The following LTV1 variants were observed in gnomAD, a reference collection of about 807,000 sequenced individuals.
LTV1 encodes LTV1 ribosome biogenesis factor, also known as protein LTV1 homolog.
In LTV1, 39 loss-of-function variants were observed where a neutral mutation model predicts 59.9. That is an observed-to-expected ratio of 0.65 (90% CI 0.50 to 0.85). LTV1 has a LOEUF of 0.85. Among genes scored for constraint, LTV1 ranks in the 40% least tolerant of loss-of-function variants. The pLI is 0.00. For missense variants in LTV1, 493 were observed against 549.1 expected (o/e 0.90, Z 1.02); for synonymous variants, 171 against 189.5 (o/e 0.90, Z 0.80).
chr6:143,848,924 C>T (rs1274929195), intron 3 of LTV1, among the ~76,000 whole-genome samples: 1 of 152,138 alleles, frequency 6.6e-6, no homozygotes, highest in Non-Finnish European at 1.5e-5. Flanking sequence ...AAGTGTTTTG[C>T]ATTATTACAT....
rs1291985604 is a variant in LTV1 at position 143,862,618 on chromosome 6, C to T, written c.1064-226C>T. Among the ~76,000 whole-genome samples, 1 of 151,938 alleles carries T rather than the reference C, an allele frequency of 6.6e-6. No individual in the cohort carries two copies. Among genetic ancestry groups the T allele is most frequent in the Non-Finnish European group, 1.5e-5 (1 of 67,966 alleles). ...AACATATATCAACTTTGAAAAAATACATATATTTTAATAAGAGTTAGGCTT... is the reference window on the plus strand; with the variant it reads ...AACATATATCAACTTTGAAAAAATATATATATTTTAATAAGAGTTAGGCTT... On this transcript the variant is annotated intron_variant, in intron 8 of 10. Coordinates refer to ENST00000367576, the MANE Select transcript of LTV1 (RefSeq NM_032860.5). The surrounding 1 kb of genome is among the most constrained non-coding windows in gnomAD (Gnocchi z 4.2).
In LTV1 at chr6:143,862,731, A is replaced by G. The variant is rs1777187407; in HGVS notation, c.1064-113A>G. 1.4e-6 allele frequency: 1 copy of G among 701,784 alleles called. No homozygotes were observed. 43.5% of individuals were successfully genotyped at this position (701,784 alleles called of 1,614,324 possible). Reference sequence around the variant, plus strand: ...TTATAAAACATTGATCAGAGACTCCAGTGTTATTTTGCACTATGAAAACAC... The same window carrying G: ...TTATAAAACATTGATCAGAGACTCCGGTGTTATTTTGCACTATGAAAACAC... On this transcript the variant is annotated intron_variant, in intron 8 of 10. Coordinates refer to ENST00000367576, the MANE Select transcript of LTV1 (RefSeq NM_032860.5). This position sits in a 1 kb window ranked among gnomAD's most constrained non-coding sequence, Gnocchi z 4.2.
chr6:143,843,823 G>T (rs1220227225), intron 1 of LTV1, among the ~76,000 whole-genome samples: 2 of 152,208 alleles, frequency 1.3e-5, no homozygotes, highest in African/African-American at 4.8e-5. Context: ...AGAGGGAGCT[G>T]CTGGTCTCCC....
intron 6 of LTV1, 112 bp from the exon 7 acceptor site, chr6:143,860,314 T>A (rs1165662899): frequency 3.7e-6 from 3 of 814,718 alleles, no homozygotes; most frequent in Admixed American, 2.5e-5. Flanking sequence ...ATTGTGATAG[T>A]ACCTGAATAA....
chr6:143,851,758 G>A (rs915528093), intron 4 of LTV1, among the ~76,000 whole-genome samples: 2 of 151,830 alleles, frequency 1.3e-5, no homozygotes, highest in African/African-American at 4.8e-5. Flanking sequence ...AGTGTGTGAT[G>A]TTCCCCTCCC....
intron 4 of LTV1, among the ~76,000 whole-genome samples, chr6:143,856,127 C>T (rs540488182): frequency 3.5e-4 from 54 of 152,204 alleles, no homozygotes; most frequent in African/African-American, 1.2e-3. Context: ...AGGCTTTGTT[C>T]GTTCCTTTTC....
At chr6:143,850,635 T>C (rs1170017586) in intron 4 of LTV1, among the ~76,000 whole-genome samples, 1 of 152,224 alleles carries the variant, frequency 6.6e-6, no homozygotes, top group Admixed American at 6.5e-5. Flanking sequence ...TTGGGGGAAA[T>C]TTTTTATTTT....
Position 143,857,475 on chromosome 6 carries a change from A to G in LTV1, c.539+31A>G. 1 of 1,579,842 alleles carries G rather than the reference A, an allele frequency of 6.3e-7. No homozygotes were observed. The highest frequency in any genetic ancestry group is 8.7e-7 in the Non-Finnish European group (1 of 1,149,390). ...TGTGGTTTGTTTCAAAGCAGAGATG[A>G]TGACCTAAGTGTTACTGCTTCAGTG... On this transcript the variant is annotated intron_variant, in intron 5 of 10. Coordinates refer to ENST00000367576, the MANE Select transcript of LTV1 (RefSeq NM_032860.5). This position sits in a 1 kb window ranked among gnomAD's most constrained non-coding sequence, Gnocchi z 5.2.
chr6:143,857,122 C>T lies in LTV1; in HGVS notation c.398-181C>T, dbSNP rs952946066. 1.3e-5 allele frequency among the ~76,000 whole-genome samples: 2 copies of T among 152,148 alleles called. No individual in the cohort carries two copies. The highest frequency in any genetic ancestry group is 2.9e-5 in the Non-Finnish European group (2 of 68,020). On this transcript the variant is annotated intron_variant, in intron 4 of 10. Coordinates refer to ENST00000367576, the MANE Select transcript of LTV1 (RefSeq NM_032860.5). This position sits in a 1 kb window ranked among gnomAD's most constrained non-coding sequence, Gnocchi z 5.2. ...CTGGGGCTGAGGCAGCATTTTGTTT[C>T]CTTTTTTTGTCTTGGAGTGTTCATT...
In LTV1 at chr6:143,852,386, G is replaced by T. The variant is rs1489953408; in HGVS notation, c.397+2168G>T. Among the ~76,000 whole-genome samples the T allele has an allele frequency of 2.6e-5, 4 of 152,114 alleles. No homozygotes were observed. The East Asian group carries it at 7.7e-4, about 29-fold the overall frequency. ...AAATGTCTTCATTTGAGAAATATCTGTTCCTATCTTTTGCCCACTTTTCAA... is the reference window on the plus strand; with the variant it reads ...AAATGTCTTCATTTGAGAAATATCTTTTCCTATCTTTTGCCCACTTTTCAA... On this transcript the variant is annotated intron_variant, in intron 4 of 10. Coordinates refer to ENST00000367576, the MANE Select transcript of LTV1 (RefSeq NM_032860.5).
intron 4 of LTV1, among the ~76,000 whole-genome samples, chr6:143,856,655 C>A (rs182652502): frequency 6.6e-6 from 1 of 152,104 alleles, no homozygotes; most frequent in African/African-American, 2.4e-5. Flanking sequence ...TGATGCTATT[C>A]CTTTCTGTTA....
At chr6:143,858,195 G>T in intron 6 of LTV1, 188 bp downstream of exon 6, 2 of 622,616 alleles carry the variant, frequency 3.2e-6, no homozygotes, top group Non-Finnish European at 2.9e-6. Context: ...CAGTACAGGA[G>T]CACAAAGACT....
At chr6:143,848,060 A>G (rs150996765) in intron 3 of LTV1, among the ~76,000 whole-genome samples, 16 of 152,322 alleles carry the variant, frequency 1.1e-4, no homozygotes, top group African/African-American at 3.6e-4. Context: ...ACTGCAACCA[A>G]TGAAAACACA....
chr6:143,843,526 C>T (rs774977233), intron 1 of LTV1, 46 bp downstream of exon 1: 33 of 1,612,512 alleles, frequency 2.0e-5, no homozygotes, highest in East Asian at 4.5e-5. Flanking sequence ...TGTGGTTTTG[C>T]AGAGGCCAGG....
chr6:143,853,181 A>G (rs1777015396), intron 4 of LTV1, among the ~76,000 whole-genome samples: 1 of 152,170 alleles, frequency 6.6e-6, no homozygotes, highest in Non-Finnish European at 1.5e-5. Flanking sequence ...GAGGTCCTTC[A>G]CATCCCTTGT....
chr6:143,844,685 T>TA, intron 2 of LTV1, 68 bp downstream of exon 2: 1 of 1,255,408 alleles, frequency 8.0e-7, no homozygotes, highest in Non-Finnish European at 1.1e-6. Flanking sequence ...TTTTTTTTTT[T>TA]AAATAAATAG....
At position 143,862,082 on chromosome 6, in the gene LTV1, CTT is replaced by C; in HGVS notation, c.924-19_924-18del. 6.2e-7 allele frequency: 1 copy of C among 1,603,438 alleles called. No individual in the cohort carries two copies. Among genetic ancestry groups the C allele is most frequent in the Non-Finnish European group, 8.5e-7 (1 of 1,176,468 alleles). Reference sequence around the variant, plus strand: ...TCATTTTTCCCCCTCTTGGTCTTCACTTTTAAAAACTCGTCTAAAAGTTGTGT... The same window carrying C: ...TCATTTTTCCCCCTCTTGGTCTTCACTTAAAAACTCGTCTAAAAGTTGTGT... On this transcript the variant is annotated intron_variant, in intron 7 of 10. Transcript: ENST00000367576. This position sits in a 1 kb window ranked among gnomAD's most constrained non-coding sequence, Gnocchi z 4.2.
At chr6:143,845,099 T>A (rs1214204708) in intron 2 of LTV1, among the ~76,000 whole-genome samples, 3 of 152,156 alleles carry the variant, frequency 2.0e-5, no homozygotes, top group African/African-American at 7.2e-5. Flanking sequence ...AACCGCAAAC[T>A]GCATTTTGCC....
In LTV1 at chr6:143,857,518, C is replaced by A; in HGVS notation, c.539+74C>A. On this transcript the variant is annotated intron_variant, in intron 5 of 10. Coordinates refer to ENST00000367576, the MANE Select transcript of LTV1 (RefSeq NM_032860.5). The surrounding 1 kb of genome is among the most constrained non-coding windows in gnomAD (Gnocchi z 5.2). ...CTTCAGTGGGATGGTAACCATAGAA[C>A]GTTACAGTTGGAAGAGACCTTCAAG... is the stretch of plus-strand genomic sequence containing the variant. The A allele has an allele frequency of 7.3e-7, 1 of 1,367,312 alleles. No individual in the cohort carries two copies. Among genetic ancestry groups the A allele is most frequent in the South Asian group, 1.2e-5 (1 of 80,170 alleles). 84.7% of individuals were successfully genotyped at this position (1,367,312 alleles called of 1,614,324 possible).
Sources: gnomAD v4.1 joint callset for allele counts (sites outside exome capture counted in the v4.1 genomes callset) on GRCh38, gnomAD v4.1.1 for gene constraint, Gnocchi (gnomAD v3.1) non-coding constraint, MANE v1.5 for transcripts, NCBI Gene and HGNC (gene_info 2026-07-23, HGNC 2026-07-21) for gene names.